Variants in ASIC5 observed in about 807,000 individuals in gnomAD.
The protein encoded by ASIC5 is acid sensing ion channel subunit family member 5.
In ASIC5, 52 loss-of-function variants were observed where a neutral mutation model predicts 51.2. The ratio of observed to expected loss-of-function variants is 1.02; its 90% CI spans 0.81 to 1.28. The LOEUF (loss-of-function observed/expected upper bound fraction) is 1.28, where lower values mean the gene tolerates loss of function less well. Ranked by LOEUF, ASIC5 falls within the 50% of genes most tolerant of loss-of-function variation. The pLI is 0.00. For synonymous variants in ASIC5, 231 were observed against 200.7 expected (o/e 1.15, Z -1.28); for missense variants, 635 against 595.0 (o/e 1.07, Z -0.70).
At chr4:155,844,335 C>A (rs1171427480) in intron 4 of ASIC5, among the ~76,000 whole-genome samples, 3 of 151,956 alleles carry the variant, frequency 2.0e-5, no homozygotes, top group Non-Finnish European at 2.9e-5. Flanking sequence ...ACAAAAAAAA[C>A]TCCTTTTTTT....
chr4:155,863,406 A>G (rs188917096), intron 2 of ASIC5, 42 bp downstream of exon 2: 1 of 1,466,356 alleles, frequency 6.8e-7, no homozygotes, highest in East Asian at 2.5e-5. Context: ...TTATACTAGC[A>G]AATTTATAGG....
At chr4:155,840,595 T>C (rs1375355554) in intron 6 of ASIC5, among the ~76,000 whole-genome samples, 1 of 151,706 alleles carries the variant, frequency 6.6e-6, no homozygotes, top group Non-Finnish European at 1.5e-5. Flanking sequence ...TTGTTCATTC[T>C]TGGGCGTTCG....
At chr4:155,838,714 G>T in intron 7 of ASIC5, 99 bp downstream of exon 7, 1 of 711,444 alleles carries the variant, frequency 1.4e-6, no homozygotes, top group Middle Eastern at 3.0e-4. Context: ...ACTATATTCT[G>T]TTTAATTTCT....
chr4:155,830,653 C>T (rs1038437023), intron 9 of ASIC5, among the ~76,000 whole-genome samples: 3 of 152,070 alleles, frequency 2.0e-5, no homozygotes, highest in Non-Finnish European at 4.4e-5. Flanking sequence ...GCATTAAGTA[C>T]GTTCACATTG....
intron 6 of ASIC5, among the ~76,000 whole-genome samples, chr4:155,839,425 G>T (rs1168629221): frequency 3.3e-5 from 5 of 151,838 alleles, no homozygotes; most frequent in African/African-American, 1.2e-4. Context: ...GATGGGGAGG[G>T]GGCAGGTAAG....
At chr4:155,832,787 C>T (rs1466221530) in intron 8 of ASIC5, among the ~76,000 whole-genome samples, 1 of 152,112 alleles carries the variant, frequency 6.6e-6, no homozygotes, top group African/African-American at 2.4e-5. Flanking sequence ...CCTATGACCT[C>T]TCACCCCATT....
At chr4:155,838,754 A>G (rs935382442) in intron 7 of ASIC5, 59 bp downstream of exon 7, 8 of 1,018,970 alleles carry the variant, frequency 7.9e-6, no homozygotes, top group Non-Finnish European at 1.1e-5. Context: ...TTAATGTCTT[A>G]TATTACTTTG....
At chr4:155,834,912 T>C (rs895476089) in intron 8 of ASIC5, among the ~76,000 whole-genome samples, 4 of 151,842 alleles carry the variant, frequency 2.6e-5, no homozygotes, top group African/African-American at 9.7e-5. Context: ...GCCGGGGGTG[T>C]TCAGAGAAGA....
chr4:155,836,684 G>C lies in ASIC5; in HGVS notation c.1235+5C>G. On this transcript the variant is annotated splice_donor_5th_base_variant and intron_variant, in intron 8 of 9. Transcript: ENST00000537611. ...ATCAATAATTTAAAAGGCTAGTAAGGTTACCTGATGTATTTCCGGCTTTGA... is the reference window on the plus strand; with the variant it reads ...ATCAATAATTTAAAAGGCTAGTAAGCTTACCTGATGTATTTCCGGCTTTGA... 1 of 1,588,286 alleles carries C rather than the reference G, an allele frequency of 6.3e-7. No homozygotes were observed. Among genetic ancestry groups the C allele is most frequent in the Non-Finnish European group, 8.6e-7 (1 of 1,160,864 alleles).
At chr4:155,838,181 A>C (rs1741030478) in intron 7 of ASIC5, among the ~76,000 whole-genome samples, 1 of 152,180 alleles carries the variant, frequency 6.6e-6, no homozygotes, top group South Asian at 2.1e-4. Flanking sequence ...ATATATTGGG[A>C]TTCTGTTTTA....
At chr4:155,863,311 T>G in intron 2 of ASIC5, 137 bp downstream of exon 2, 1 of 658,522 alleles carries the variant, frequency 1.5e-6, no homozygotes, top group African/African-American at 1.8e-5. Flanking sequence ...TGCTTTTGAG[T>G]GCAATTTAAG....
In ASIC5 at chr4:155,836,865, G is replaced by A; in HGVS notation, c.1067-8C>T. On this transcript the variant is annotated splice_polypyrimidine_tract_variant and splice_region_variant and intron_variant, in intron 7 of 9. Coordinates refer to ENST00000537611, the MANE Select transcript of ASIC5 (RefSeq NM_017419.3). ...CCTTAAATTCAATGTGGTCTGAAAT[G>A]AAAATCAGGACAGGGAATTCAGAGA... The A allele has an allele frequency of 6.4e-7, 1 of 1,571,262 alleles. No individual in the cohort carries two copies. Among genetic ancestry groups the A allele is most frequent in the South Asian group, 1.2e-5 (1 of 83,814 alleles).
Position 155,829,902 on chromosome 4 carries a change from G to A in ASIC5, c.1472C>T (p.Pro491Leu), listed in dbSNP as rs1327289671. ...KISEMTQWTP[P>L]PQNHLGNKNR... ...TTTATTTCCCAGATGATTCTGAGGT[G>A]GAGGAGTCCACTGGGTCATTTCAGA... Residue 491 changes from proline (P) to leucine (L), a missense_variant, in exon 10 of 10, where the codon CCA becomes CTA. Physicochemically the swap from Pro to Leu is moderately conservative, Grantham distance 98 (BLOSUM62 -3). Transcript: ENST00000537611. 1.9e-6 allele frequency: 3 copies of A among 1,602,870 alleles called. No individual in the cohort carries two copies. The highest frequency in any genetic ancestry group is 2.3e-5 in the East Asian group (1 of 44,278).
chr4:155,857,530 C>A (rs1741576075), intron 2 of ASIC5, among the ~76,000 whole-genome samples: 1 of 151,986 alleles, frequency 6.6e-6, no homozygotes, highest in Non-Finnish European at 1.5e-5. Flanking sequence ...TGGTAAGAGC[C>A]TAGTAGAAGA....
intron 8 of ASIC5, among the ~76,000 whole-genome samples, chr4:155,833,383 G>A (rs1338840819): frequency 6.6e-6 from 1 of 152,058 alleles, no homozygotes; most frequent in Non-Finnish European, 1.5e-5. Context: ...TAAAGAACAT[G>A]GCTGTAAATC....
intron 5 of ASIC5, among the ~76,000 whole-genome samples, chr4:155,843,319 A>C (rs1741163144): frequency 6.6e-6 from 1 of 152,138 alleles, no homozygotes; most frequent in Admixed American, 6.6e-5. Context: ...TGGCAAACAG[A>C]AACCTACCAG....
At chr4:155,834,424 C>T (rs1740933519) in intron 8 of ASIC5, among the ~76,000 whole-genome samples, 1 of 152,102 alleles carries the variant, frequency 6.6e-6, no homozygotes, top group South Asian at 2.1e-4. Flanking sequence ...TTTGCACAAA[C>T]CAGTTGCTTA....
intron 4 of ASIC5, 127 bp downstream of exon 4, chr4:155,852,064 C>G: frequency 8.7e-7 from 1 of 1,147,352 alleles, no homozygotes; most frequent in South Asian, 1.5e-5. Context: ...GGAGTCTAGA[C>G]TAAATTAACA....
chr4:155,851,357 T>C (rs1349926767), intron 4 of ASIC5, among the ~76,000 whole-genome samples: 1 of 152,024 alleles, frequency 6.6e-6, no homozygotes, highest in Non-Finnish European at 1.5e-5. Context: ...AGTACATTAC[T>C]GGAAATTCTT....
Sources: gnomAD v4.1 joint callset for allele counts (sites outside exome capture counted in the v4.1 genomes callset) on GRCh38, gnomAD v4.1.1 for gene constraint, MANE v1.5 for transcripts, NCBI Gene and HGNC (gene_info 2026-07-23, HGNC 2026-07-21) for gene names.